Variants in MCF2L observed in about 807,000 individuals in gnomAD.
The protein encoded by MCF2L is MCF.2 cell line derived transforming sequence like, also known as guanine nucleotide exchange factor DBS.
MCF2L carries 97 observed loss-of-function variants against 153.4 expected under a neutral mutation model. The ratio of observed to expected loss-of-function variants is 0.63; its 90% CI spans 0.54 to 0.75. MCF2L has a LOEUF of 0.75. Among genes scored for constraint, MCF2L ranks in the 30% least tolerant of loss-of-function variants. The pLI is 0.00. For synonymous variants in MCF2L, 659 were observed against 632.2 expected (o/e 1.04, Z -0.64); for missense variants, 1,347 against 1,495.2 (o/e 0.90, Z 1.64).
chr13:113,095,396 G>A, intron 27 of MCF2L: 3 of 1,118,560 alleles, frequency 2.7e-6, no homozygotes, highest in Non-Finnish European at 3.3e-6. Flanking sequence ...CTGGGCGTGA[G>A]AACAGATGTG....
intron 2 of MCF2L, chr13:112,955,899 C>T (rs1344789484): frequency 6.6e-6 from 1 of 152,154 alleles, no homozygotes; most frequent in Admixed American, 6.5e-5. Context: ...TTAGACGTTG[C>T]ATTTAGTCCC....
intron 1 of MCF2L, among the ~76,000 whole-genome samples, chr13:112,974,394 C>G (rs976999621): frequency 1.3e-5 from 2 of 152,112 alleles, no homozygotes; most frequent in Admixed American, 1.3e-4. Context: ...CCATGAAGCC[C>G]CCGGCGTGGC....
chr13:112,973,208 G>T (rs142270027), intron 1 of MCF2L, among the ~76,000 whole-genome samples: 1 of 152,106 alleles, frequency 6.6e-6, no homozygotes, highest in Non-Finnish European at 1.5e-5. Context: ...CTCTGCCTTC[G>T]GCCTCAGTGA....
Position 112,960,648 on chromosome 13 carries a change from G to A in MCF2L, c.170-54115G>A, listed in dbSNP as rs1455332242. On this transcript the variant is annotated intron_variant, in intron 2 of 29. Coordinates refer to the MCF2L transcript ENST00000375608. This position sits in a 1 kb window ranked among gnomAD's most constrained non-coding sequence, Gnocchi z 4.2. Reference sequence around the variant, plus strand: ...CACTGGCTAACCACACACATTCATGGTCTATAGCTCTGGAGGCCAGAAGTT... The same window carrying A: ...CACTGGCTAACCACACACATTCATGATCTATAGCTCTGGAGGCCAGAAGTT... 6.6e-6 allele frequency among the ~76,000 whole-genome samples: 1 copy of A among 152,172 alleles called. No individual in the cohort carries two copies.
intron 26 of MCF2L, chr13:113,093,611 G>A (rs1444652368): frequency 6.6e-6 from 1 of 152,328 alleles, no homozygotes; most frequent in Non-Finnish European, 1.5e-5. Flanking sequence ...CCATCGCAAG[G>A]AAACGCTTGC....
chr13:112,979,395 G>A, intron 1 of MCF2L: 2 of 1,381,674 alleles, frequency 1.4e-6, no homozygotes, highest in Non-Finnish European at 9.3e-7. Context: ...AGGCGTGCAG[G>A]GCAGTGGTGG....
intron 7 of MCF2L, 175 bp downstream of exon 7, chr13:113,065,260 G>A (rs995321257): frequency 3.9e-5 from 26 of 671,422 alleles, no homozygotes; most frequent in East Asian, 1.1e-4. Context: ...CAATTAGCTC[G>A]GCAACCTCTC....
chr13:113,001,634 G>A (rs150606736), intron 1 of MCF2L: 373 of 1,269,402 alleles, frequency 2.9e-4, no homozygotes, highest in Middle Eastern at 1.8e-3. Flanking sequence ...AGCCTCCCTG[G>A]CCGGGGCTCA....
Position 113,066,305 on chromosome 13 carries a change from G to A in MCF2L, c.881+135G>A, listed in dbSNP as rs184605123. The A allele has an allele frequency of 2.7e-3, 2,876 of 1,084,736 alleles. 4 individuals carry two copies. The highest frequency in any genetic ancestry group is 3.2e-3 in the Non-Finnish European group (2,555 of 796,596). 67.2% of individuals were successfully genotyped at this position (1,084,736 alleles called of 1,614,324 possible). A position where few individuals can be genotyped will look rare whatever the true frequency, so the allele number is the denominator to read the frequency against. The stretch of plus-strand genomic sequence containing the variant: ...GGCAGGCAACCCCACTCCTGGCCAG[G>A]GCCAGCACAGCAGCCGGCCTCCGAG... On this transcript the variant is annotated intron_variant, in intron 8 of 29. Coordinates refer to ENST00000535094, the MANE Select transcript of MCF2L (RefSeq NM_001112732.3).
chr13:113,099,036 C>T lies in MCF2L; in HGVS notation c.*2177C>T, dbSNP rs902117343. The stretch of plus-strand genomic sequence containing the variant: ...TGACAAGTCACTGCTTAGAGACCAT[C>T]AAGCAAATTTATATATAGATTGGAG... On this transcript the variant is annotated 3_prime_UTR_variant, in exon 30 of 30. Coordinates refer to ENST00000535094, the MANE Select transcript of MCF2L (RefSeq NM_001112732.3). 1 of 152,188 alleles carries T rather than the reference C, an allele frequency of 6.6e-6. No homozygotes were observed. The highest frequency in any genetic ancestry group is 1.5e-5 in the Non-Finnish European group (1 of 68,052). 9.4% of individuals were successfully genotyped at this position (152,188 alleles called of 1,614,324 possible). A position where few individuals can be genotyped will look rare whatever the true frequency, so the allele number is the denominator to read the frequency against.
At chr13:113,030,938 CAG>C (rs2085647790) in intron 3 of MCF2L, among the ~76,000 whole-genome samples, 1 of 152,152 alleles carries the variant, frequency 6.6e-6, no homozygotes, top group Non-Finnish European at 1.5e-5. Flanking sequence ...AGCAAATAAA[CAG>C]AGAAAATTGT....
chr13:112,994,079 C>T (rs1000665476), intron 1 of MCF2L, among the ~76,000 whole-genome samples: 4 of 152,164 alleles, frequency 2.6e-5, no homozygotes, highest in African/African-American at 7.2e-5. Context: ...CACCTTCATG[C>T]GGGGTGCGGC....
chr13:112,934,008 C>T (rs953069376), intron 2 of MCF2L, among the ~76,000 whole-genome samples: 7 of 152,252 alleles, frequency 4.6e-5, no homozygotes, highest in African/African-American at 1.7e-4. Context: ...TTGCTCATTT[C>T]ATAAAACTTC....
intron 2 of MCF2L, among the ~76,000 whole-genome samples, chr13:112,936,705 A>C (rs900014473): frequency 6.6e-6 from 1 of 152,194 alleles, no homozygotes; most frequent in African/African-American, 2.4e-5. Context: ...TATATTAGGA[A>C]ATTGTTTCCT....
chr13:113,019,829 A>G (rs368845487), intron 2 of MCF2L, among the ~76,000 whole-genome samples: 141 of 152,320 alleles, frequency 9.3e-4, no homozygotes, highest in African/African-American at 3.3e-3. Context: ...CAGCATGGCC[A>G]TGCCTCAAGG....
intron 3 of MCF2L, among the ~76,000 whole-genome samples, chr13:113,034,525 G>GCCCTCA (rs1373341738): frequency 2.6e-5 from 4 of 152,010 alleles, no homozygotes; most frequent in South Asian, 2.1e-4. Flanking sequence ...AGGAGTGAGT[G>GCCCTCA]CCCTCACCCT....
chr13:112,970,173 A>G (rs1298893651), intron 1 of MCF2L, among the ~76,000 whole-genome samples: 1 of 152,160 alleles, frequency 6.6e-6, no homozygotes, highest in Non-Finnish European at 1.5e-5. Context: ...CCTTGAAATG[A>G]AGAGGAAATA....
chr13:112,979,807 T>C lies in MCF2L; in HGVS notation c.79+10349T>C, dbSNP rs570156761. On this transcript the variant is annotated intron_variant, in intron 1 of 29. Coordinates refer to ENST00000535094, the MANE Select transcript of MCF2L (RefSeq NM_001112732.3). Reference sequence around the variant, plus strand: ...GCATGGGGGCAGGTGCTGTGTCCCCTCTGCAGGTGTCCTCTCTGCGGGCAG... The same window carrying C: ...GCATGGGGGCAGGTGCTGTGTCCCCCCTGCAGGTGTCCTCTCTGCGGGCAG... The C allele has an allele frequency of 2.6e-6, 4 of 1,534,404 alleles. No homozygotes were observed. The South Asian group carries it at 4.9e-5, about 19-fold the overall frequency.
chr13:113,086,017 G>A (rs920054607), intron 20 of MCF2L, 107 bp from the exon 21 acceptor site: 2 of 1,220,656 alleles, frequency 1.6e-6, no homozygotes, highest in Non-Finnish European at 1.1e-6. Context: ...CAGACCAGGG[G>A]AGGGTGAGCA....
Sources: allele counts gnomAD v4.1 joint callset (sites outside exome capture counted in the v4.1 genomes callset), GRCh38; gene constraint gnomAD v4.1.1; non-coding constraint Gnocchi (gnomAD v3.1); transcripts MANE v1.5; gene names NCBI Gene and HGNC (gene_info 2026-07-23, HGNC 2026-07-21).